Variants in AP1M1 observed in about 807,000 individuals in gnomAD.
AP1M1 encodes adaptor related protein complex 1 subunit mu 1.
Under a neutral mutation model 57.1 loss-of-function variants are expected in AP1M1, and 18 were observed. The ratio of observed to expected loss-of-function variants is 0.32; its 90% CI spans 0.22 to 0.47. The LOEUF is 0.47. Among genes scored for constraint, AP1M1 ranks in the 20% least tolerant of loss-of-function variants. AP1M1 has a pLI of 1.00. For missense variants in AP1M1, 362 were observed against 593.5 expected, an observed-to-expected ratio of 0.61 and a Z score of 4.05; for synonymous variants, 241 against 237.9, an observed-to-expected ratio of 1.01 and a Z score of -0.12.
chr19:16,219,102 T>C (rs967951902), intron 5 of AP1M1, among the ~76,000 whole-genome samples: 4 of 152,082 alleles, frequency 2.6e-5, no homozygotes, highest in Non-Finnish European at 5.9e-5. Flanking sequence ...GTGTTGTATT[T>C]TCTTCAGTTC....
chr19:16,206,246 A>G lies in AP1M1; in HGVS notation c.200-95A>G. 1 of 1,271,834 alleles carries G rather than the reference A, an allele frequency of 7.9e-7. No individual in the cohort carries two copies. Among genetic ancestry groups the G allele is most frequent in the Non-Finnish European group, 1.1e-6 (1 of 879,638 alleles). 78.8% of individuals were successfully genotyped at this position (1,271,834 alleles called of 1,614,324 possible). ...GGGAGTGGGGATAGGGAAGGCTCTG[A>G]GGGTTGTGAGGGTTAGGGGGTCCCT... On this transcript the variant is annotated intron_variant, in intron 2 of 11. Transcript: ENST00000291439. This position sits in a 1 kb window ranked among gnomAD's most constrained non-coding sequence, Gnocchi z 4.3.
rs1302340989 is a variant in AP1M1 at position 16,207,221 on chromosome 19, C to T, written c.268-798C>T. On this transcript the variant is annotated intron_variant, in intron 3 of 11. Coordinates refer to ENST00000291439, the MANE Select transcript of AP1M1 (RefSeq NM_032493.4). This position sits in a 1 kb window ranked among gnomAD's most constrained non-coding sequence, Gnocchi z 4.2. ...GTGCTGGGCCTGGGAAAGCTTTCATCCCTCACTGATGCTGCCTGTGCAGAA... is the reference window on the plus strand; with the variant it reads ...GTGCTGGGCCTGGGAAAGCTTTCATTCCTCACTGATGCTGCCTGTGCAGAA... Among the ~76,000 whole-genome samples, 1 of 152,210 alleles carries T rather than the reference C, an allele frequency of 6.6e-6. No homozygotes were observed. The highest frequency in any genetic ancestry group is 3.4e-3 in the Middle Eastern group (1 of 294).
rs1232384959 is a variant in AP1M1, at chr19:16,235,991, C to G, written c.*1556C>G. ...GACCTAACAGCCTGAGTAGAACCTT[C>G]CGCCCACGTAGGTCTTCCCCATCTC... On this transcript the variant is annotated 3_prime_UTR_variant, in exon 12 of 12. Coordinates refer to ENST00000291439, the MANE Select transcript of AP1M1 (RefSeq NM_032493.4). 3 of 152,232 alleles carry G rather than the reference C, an allele frequency of 2.0e-5. No individual in the cohort carries two copies. The highest frequency in any genetic ancestry group is 2.0e-4 in the Admixed American group (3 of 15,272). 9.4% of individuals were successfully genotyped at this position (152,232 alleles called of 1,614,324 possible). A position where few individuals can be genotyped will look rare whatever the true frequency, so the allele number is the denominator to read the frequency against.
chr19:16,205,112 C>T (rs543627071), intron 2 of AP1M1, among the ~76,000 whole-genome samples: 122 of 152,260 alleles, frequency 8.0e-4, no homozygotes, highest in Non-Finnish European at 9.6e-4. Flanking sequence ...GGATTACAGT[C>T]GTGAGCCACC....
Position 16,234,709 on chromosome 19 carries a change from A to C in AP1M1, c.*274A>C. 1 of 572,314 alleles carries C rather than the reference A, an allele frequency of 1.7e-6. No homozygotes were observed. Among genetic ancestry groups the C allele is most frequent in the Non-Finnish European group, 3.1e-6 (1 of 319,700 alleles). 35.5% of individuals were successfully genotyped at this position (572,314 alleles called of 1,614,324 possible). The stretch of plus-strand genomic sequence containing the variant: ...AAGGATGTGAAATTTTTCCGTGTAG[A>C]GGTTACAGCCTTTTATGCTGTTGAG... On this transcript the variant is annotated 3_prime_UTR_variant, in exon 12 of 12. Transcript: ENST00000291439.
intron 5 of AP1M1, among the ~76,000 whole-genome samples, chr19:16,224,531 AT>A (rs1276762663): frequency 6.6e-6 from 1 of 152,212 alleles, no homozygotes; most frequent in Non-Finnish European, 1.5e-5. Flanking sequence ...CTGAGCAAGC[AT>A]CCCTTCAGCA....
rs111489002 is a variant in AP1M1, at chr19:16,233,525, C to G, written c.1080C>G (p.Phe360Leu). Residue 360 changes from phenylalanine to leucine, a missense_variant, in exon 10 of 12, where the codon TTC becomes TTG. Coordinates refer to ENST00000291439, the MANE Select transcript of AP1M1 (RefSeq NM_032493.4). ...AGGAGTACCTGATGCGGGCCCACTT[C>G]GGCCTGCCTAGTGTGGAGGCCGAAG... Reference protein sequence around the residue: ...GGKEYLMRAHFGLPSVEAEDK... With the variant: ...GGKEYLMRAHLGLPSVEAEDK... 1 of 1,605,358 alleles carries G rather than the reference C, an allele frequency of 6.2e-7. No homozygotes were observed. Among genetic ancestry groups the G allele is most frequent in the Non-Finnish European group, 8.5e-7 (1 of 1,176,326 alleles).
rs893985552 is a variant in AP1M1, at chr19:16,206,422, G to A, written c.267+14G>A. Reference sequence around the variant, plus strand: ...AAGGTGGTGCAGGTGAGTCTCGCTCGGAGGGGCCGTGGGCTTGGGTGGAGG... The same window carrying A: ...AAGGTGGTGCAGGTGAGTCTCGCTCAGAGGGGCCGTGGGCTTGGGTGGAGG... On this transcript the variant is annotated intron_variant, in intron 3 of 11. Coordinates refer to ENST00000291439, the MANE Select transcript of AP1M1 (RefSeq NM_032493.4). This position sits in a 1 kb window ranked among gnomAD's most constrained non-coding sequence, Gnocchi z 4.3. 84 of 1,613,738 alleles carry A rather than the reference G, an allele frequency of 5.2e-5. No individual in the cohort carries two copies. Among genetic ancestry groups the A allele is most frequent in the Non-Finnish European group, 6.6e-5 (78 of 1,179,892 alleles).
intron 5 of AP1M1, among the ~76,000 whole-genome samples, chr19:16,210,683 C>T (rs563164372): frequency 6.6e-6 from 1 of 152,280 alleles, no homozygotes; most frequent in African/African-American, 2.4e-5. Flanking sequence ...CCTCAGCCTC[C>T]CGAGTAGCTG....
intron 5 of AP1M1, among the ~76,000 whole-genome samples, chr19:16,225,750 C>G (rs1172793386): frequency 6.6e-6 from 1 of 152,142 alleles, no homozygotes; most frequent in Non-Finnish European, 1.5e-5. Flanking sequence ...TATTTTGGAT[C>G]AAGTGTTATC....
intron 5 of AP1M1, among the ~76,000 whole-genome samples, chr19:16,218,777 G>A (rs773227232): frequency 9.9e-5 from 15 of 152,134 alleles, no homozygotes; most frequent in African/African-American, 2.4e-4. Flanking sequence ...TAGAGGGAAG[G>A]GACCCAGAGC....
chr19:16,213,684 G>A (rs1194974419), intron 5 of AP1M1, among the ~76,000 whole-genome samples: 1 of 152,138 alleles, frequency 6.6e-6, no homozygotes, highest in Non-Finnish European at 1.5e-5. Context: ...GTAGAGACGA[G>A]GTTTCACCAT....
At chr19:16,201,760 C>A in intron 1 of AP1M1, among the ~76,000 whole-genome samples, 1 of 152,144 alleles carries the variant, frequency 6.6e-6, no homozygotes, top group East Asian at 1.9e-4. Flanking sequence ...AGAGCCAGGT[C>A]AGGGCAAAGG....
At chr19:16,214,729 C>T (rs189841481) in intron 5 of AP1M1, among the ~76,000 whole-genome samples, 29 of 151,952 alleles carry the variant, frequency 1.9e-4, no homozygotes, top group Admixed American at 1.6e-3. Context: ...TCAGCATTTG[C>T]TTGTCTGAAA....
At chr19:16,229,367 C>T (rs950870702) in intron 9 of AP1M1, among the ~76,000 whole-genome samples, 33 of 152,246 alleles carry the variant, frequency 2.2e-4, no homozygotes, top group African/African-American at 7.2e-4. Context: ...TCCAGAGCTC[C>T]GCACCAGCCG....
chr19:16,233,759 G>A, intron 10 of AP1M1, 141 bp downstream of exon 10: 4 of 1,193,550 alleles, frequency 3.4e-6, no homozygotes, highest in Middle Eastern at 2.2e-4. Context: ...CCTCCCCACA[G>A]ACAGGGTGAG....
rs1168207527 is a variant in AP1M1 at position 16,198,002 on chromosome 19, G to GCTGCCGCCGCCACCGCCCTCGGCCA, written c.-19_-18insCCGCCACCGCCCTCGGCCACTGCCG. 3.2e-6 allele frequency: 5 copies of GCTGCCGCCGCCACCGCCCTCGGCCA among 1,564,430 alleles called. No homozygotes were observed. Among genetic ancestry groups the GCTGCCGCCGCCACCGCCCTCGGCCA allele is most frequent in the Admixed American group, 1.9e-5 (1 of 52,398 alleles). On this transcript the variant is annotated 5_prime_UTR_variant, in exon 1 of 12. Transcript: ENST00000291439. ...GCTGCCGCCGCCACCGCCCTCGGCC[G>GCTGCCGCCGCCACCGCCCTCGGCCA]CTGCCGAGGCCTCCTGCAGCCATCA...
intron 5 of AP1M1, among the ~76,000 whole-genome samples, chr19:16,210,702 G>A (rs192657061): frequency 1.6e-4 from 25 of 152,114 alleles, no homozygotes; most frequent in African/African-American, 5.8e-4. Context: ...TGGGATTACA[G>A]GCACCCACCA....
At chr19:16,212,352 T>A (rs2091498462) in intron 5 of AP1M1, among the ~76,000 whole-genome samples, 1 of 152,220 alleles carries the variant, frequency 6.6e-6, no homozygotes, top group South Asian at 2.1e-4. Flanking sequence ...TCCGGGAGAT[T>A]ATCCATTTCT....
Sources: allele counts gnomAD v4.1 joint callset (sites outside exome capture counted in the v4.1 genomes callset), GRCh38; gene constraint gnomAD v4.1.1; non-coding constraint Gnocchi (gnomAD v3.1); transcripts MANE v1.5; gene names NCBI Gene and HGNC (gene_info 2026-07-23, HGNC 2026-07-21).